NDUFAF6: variants seen among roughly 807,000 people sequenced by gnomAD.
NDUFAF6 encodes the protein NADH:ubiquinone oxidoreductase complex assembly factor 6, also known as NADH dehydrogenase (ubiquinone) complex I, assembly factor 6.
Under a neutral mutation model 40.8 loss-of-function variants are expected in NDUFAF6, and 45 were observed. That is an observed-to-expected ratio of 1.10 (90% confidence interval 0.87 to 1.42). The LOEUF is 1.42. Among genes scored for constraint, NDUFAF6 ranks in the 40% most tolerant of loss-of-function variants. The pLI is 0.00. For missense variants in NDUFAF6, 435 were observed against 418.5 expected, an observed-to-expected ratio of 1.04 and a Z score of -0.34; for synonymous variants, 185 against 155.9, an observed-to-expected ratio of 1.19 and a Z score of -1.39.
downstream of NDUFAF6, among the ~76,000 whole-genome samples, chr8:95,060,813 C>G (rs144714039): frequency 2.1e-4 from 32 of 152,284 alleles, no homozygotes; most frequent in South Asian, 8.3e-4. Flanking sequence ...ATAAGTATTA[C>G]TGCTTAAATT....
At chr8:95,090,569 A>G (rs545662492) in intron 2 of NDUFAF6, among the ~76,000 whole-genome samples, 4 of 151,950 alleles carry the variant, frequency 2.6e-5, no homozygotes, top group South Asian at 2.1e-4. Context: ...TGGTTCGCCC[A>G]TTTCCTGTCT....
intron 2 of NDUFAF6, among the ~76,000 whole-genome samples, chr8:95,009,034 C>G (rs1416921331): frequency 6.6e-6 from 1 of 150,540 alleles, no homozygotes; most frequent in Non-Finnish European, 1.5e-5. Context: ...CCATCTCTAC[C>G]AAAAAAGAAA....
rs75828547 is a variant in NDUFAF6 at position 95,057,121 on chromosome 8, C to T, written c.874-688C>T. Among the ~76,000 whole-genome samples the T allele has an allele frequency of 6.4e-4, 98 of 152,020 alleles. 1 individual carries two copies. In the South Asian group the frequency reaches 0.011, roughly 17 times the overall value. On this transcript the variant is annotated intron_variant, in intron 8 of 8. Transcript: ENST00000396124. Reference sequence around the variant, plus strand: ...TTATGTGGACGAGGAGGTCTCGTGCCGCTTAGAAAGGTGGAGCACAAAACT... The same window carrying T: ...TTATGTGGACGAGGAGGTCTCGTGCTGCTTAGAAAGGTGGAGCACAAAACT...
At chr8:94,981,469 T>G (rs1825437711) in intron 2 of NDUFAF6, among the ~76,000 whole-genome samples, 1 of 152,212 alleles carries the variant, frequency 6.6e-6, no homozygotes, top group South Asian at 2.1e-4. Flanking sequence ...GTACTTGAAC[T>G]TGAAGTTTGA....
At chr8:95,094,368 T>C (rs1809367826) in intron 2 of NDUFAF6, among the ~76,000 whole-genome samples, 1 of 127,946 alleles carries the variant, frequency 7.8e-6, no homozygotes, top group Non-Finnish European at 1.6e-5. Context: ...TTCTTTCTTT[T>C]CTTTTCTTTC....
chr8:94,931,764 G>C (rs1820424999), intron 1 of NDUFAF6, among the ~76,000 whole-genome samples: 1 of 152,106 alleles, frequency 6.6e-6, no homozygotes, highest in Non-Finnish European at 1.5e-5. Flanking sequence ...CACCTTAATA[G>C]AGTTCAAGAC....
downstream of NDUFAF6, among the ~76,000 whole-genome samples, chr8:95,118,310 G>GTCACTAAGGCC (rs1810175249): frequency 6.6e-6 from 1 of 152,184 alleles, no homozygotes; most frequent in Non-Finnish European, 1.5e-5. Flanking sequence ...GCCATATTCT[G>GTCACTAAGGCC]TTGGTCAAGG....
chr8:94,933,755 A>T (rs200412558), intron 1 of NDUFAF6, among the ~76,000 whole-genome samples: 1 of 137,634 alleles, frequency 7.3e-6, no homozygotes, highest in African/African-American at 2.7e-5. Flanking sequence ...ACAGAGCAAG[A>T]CTCTCTCAAA....
At chr8:95,076,477 T>C (rs1001522393), downstream of NDUFAF6, among the ~76,000 whole-genome samples, 1 of 152,240 alleles carries the variant, frequency 6.6e-6, no homozygotes, top group Admixed American at 6.5e-5. Flanking sequence ...TAAGCTGCCC[T>C]GAACTGTCCC....
At chr8:95,049,993 C>T (rs1027449201) in intron 7 of NDUFAF6, among the ~76,000 whole-genome samples, 3 of 152,172 alleles carry the variant, frequency 2.0e-5, no homozygotes, top group Admixed American at 6.5e-5. Context: ...TCTTCAGCTT[C>T]TTTTTAATTT....
At chr8:94,933,672 T>G (rs1407654363) in intron 1 of NDUFAF6, among the ~76,000 whole-genome samples, 1 of 151,598 alleles carries the variant, frequency 6.6e-6, no homozygotes, top group Non-Finnish European at 1.5e-5. Flanking sequence ...GGCTGAGGCA[T>G]GAGAATTGCT....
chr8:95,056,539 A>G (rs1261487886), intron 8 of NDUFAF6, among the ~76,000 whole-genome samples: 2 of 152,018 alleles, frequency 1.3e-5, no homozygotes, highest in Admixed American at 1.3e-4. Flanking sequence ...GTTTCTTCCT[A>G]ATACAAAACA....
At chr8:94,903,296 C>T (rs1351853941) in intron 1 of NDUFAF6, among the ~76,000 whole-genome samples, 1 of 152,018 alleles carries the variant, frequency 6.6e-6, no homozygotes, top group African/African-American at 2.4e-5. Flanking sequence ...GAGGTCGAGG[C>T]TGCAGTGAGC....
rs866311650 is a variant in NDUFAF6 at position 94,962,619 on chromosome 8, T to G, written c.-199+4440T>G. Among the ~76,000 whole-genome samples, 14 of 40,030 alleles carry G rather than the reference T, an allele frequency of 3.5e-4. 1 individual carries two copies. The highest frequency in any genetic ancestry group is 6.2e-4 in the African/African-American group (9 of 14,590). 26.3% of individuals were successfully genotyped at this position (40,030 alleles called of 152,430 possible). A position where few individuals can be genotyped will look rare whatever the true frequency, so the allele number is the denominator to read the frequency against. On this transcript the variant is annotated intron_variant, in intron 1 of 9. Coordinates refer to the NDUFAF6 transcript ENST00000396111. ...AGACTTCTGTTTTTTGTTTTTTGTT[T>G]TTTTTTTTTTTGAGACAATGTCTCA... is the stretch of plus-strand genomic sequence containing the variant.
Position 94,982,149 on chromosome 8 carries a change from G to A in NDUFAF6, c.-84+1176G>A, listed in dbSNP as rs145839027. 9.0e-3 allele frequency among the ~76,000 whole-genome samples: 1,369 copies of A among 151,614 alleles called. 19 individuals carry two copies. The highest frequency in any genetic ancestry group is 0.031 in the African/African-American group (1,279 of 41,290). ...AGGGAGGCTGAGGCGGGAGAATGGC[G>A]TGAACCCAGGAGGCAGAGCTTGCAG... is the stretch of plus-strand genomic sequence containing the variant. On this transcript the variant is annotated intron_variant, in intron 2 of 9. Coordinates refer to the NDUFAF6 transcript ENST00000396111.
intron 2 of NDUFAF6, among the ~76,000 whole-genome samples, chr8:95,093,089 C>T (rs1809321005): frequency 3.2e-5 from 4 of 124,912 alleles, no homozygotes; most frequent in African/African-American, 1.2e-4. Context: ...CTATGCTTCT[C>T]ACTGGGTAGC....
At chr8:94,955,798 C>T (rs1202903030), upstream of NDUFAF6, among the ~76,000 whole-genome samples, 2 of 152,152 alleles carry the variant, frequency 1.3e-5, no homozygotes, top group African/African-American at 4.8e-5. Flanking sequence ...TGGTCTTGAC[C>T]TATGCTTGAA....
intron 1 of NDUFAF6, among the ~76,000 whole-genome samples, chr8:94,934,439 G>A (rs1182400899): frequency 6.6e-6 from 1 of 150,814 alleles, no homozygotes; most frequent in Non-Finnish European, 1.5e-5. Flanking sequence ...AGGCTGGAGT[G>A]CAATGGCGTG....
chr8:95,044,815 A>AT (rs1241706207), intron 4 of NDUFAF6, among the ~76,000 whole-genome samples: 1 of 149,078 alleles, frequency 6.7e-6, no homozygotes, highest in Non-Finnish European at 1.5e-5. Context: ...GTTTTTTCTG[A>AT]TTTTAAAGAG....
Sources: gnomAD v4.1 joint callset for allele counts (sites outside exome capture counted in the v4.1 genomes callset) on GRCh38, gnomAD v4.1.1 for gene constraint, MANE v1.5 for transcripts, NCBI Gene and HGNC (gene_info 2026-07-23, HGNC 2026-07-21) for gene names.